Variants in PARP1 observed in about 807,000 individuals in gnomAD.
PARP1 encodes the protein poly(ADP-ribose) polymerase 1, also known as poly [ADP-ribose] polymerase 1.
PARP1 carries 44 observed loss-of-function variants against 118.7 expected under a neutral mutation model. The observed-to-expected ratio is 0.37, with a 90% CI of 0.29 to 0.48. PARP1 has a LOEUF of 0.48. Ranked by LOEUF, PARP1 falls within the 20% of genes least tolerant of loss-of-function variation. PARP1 has a pLI of 0.99. For missense variants in PARP1, 1,100 were observed against 1,272.4 expected (o/e 0.86, Z 2.06); for synonymous variants, 492 against 483.2 (o/e 1.02, Z -0.24).
intron 4 of PARP1, among the ~76,000 whole-genome samples, chr1:226,389,883 T>A (rs1664789686): frequency 1.3e-5 from 2 of 152,024 alleles, no homozygotes; most frequent in Admixed American, 6.6e-5. Flanking sequence ...GACCAAGAGG[T>A]GTCCATGGAT....
At position 226,365,130 on chromosome 1, in the gene PARP1, C is replaced by T. The variant is rs1407829951; in HGVS notation, c.2530G>A (p.Glu844Lys). The change falls in exon 19 of 23, where the codon GAA becomes AAA. Residue 844 changes from glutamate (E) to lysine (K), a missense_variant. Physicochemically the swap from Glu to Lys is moderately conservative, Grantham distance 56. Around this residue, in one of 2 missense-constraint regions of PARP1, gnomAD observed 152 missense variants for 240.6 expected, o/e 0.63. Coordinates refer to ENST00000366794, the MANE Select transcript of PARP1 (RefSeq NM_001618.4). ...IDIFKIEREGECQRYKPFKQL... is the reference protein window; with the variant it reads ...IDIFKIEREGKCQRYKPFKQL... ...TTAAAGGGCTTGTAACGCTGGCATT[C>T]GCCTTCACGCTCTATCTTAAAGATC... 2 of 1,614,218 alleles carry T rather than the reference C, an allele frequency of 1.2e-6. No homozygotes were observed. The highest frequency in any genetic ancestry group is 1.7e-6 in the Non-Finnish European group (2 of 1,180,046).
In PARP1 at chr1:226,389,009, G is replaced by A. The variant is rs3219046; in HGVS notation, c.618-254C>T. 5.1e-3 allele frequency among the ~76,000 whole-genome samples: 768 copies of A among 152,020 alleles called. 3 individuals are homozygous for A. Among genetic ancestry groups the A allele is most frequent in the Non-Finnish European group, 7.9e-3 (540 of 67,954 alleles). Reference sequence around the variant, plus strand: ...CTCTCCCAGCCAGGGAGAGGGGCTAGGGTTGTTCCAGGGACTCAGAACAAC... The same window carrying A: ...CTCTCCCAGCCAGGGAGAGGGGCTAAGGTTGTTCCAGGGACTCAGAACAAC... On this transcript the variant is annotated intron_variant, in intron 4 of 22. Transcript: ENST00000366794.
rs751284775 is a variant in PARP1, at chr1:226,388,703, A to G, written c.670T>C (p.Ser224Pro). Residue 224 changes from serine (S) to proline (P), a missense_variant, in exon 5 of 23, where the codon TCT becomes CCT. Physicochemically the swap from Ser to Pro is moderately conservative, Grantham distance 74 (BLOSUM62 -1). Around this residue, in one of 2 missense-constraint regions of PARP1, gnomAD observed 948 missense variants for 1,031.8 expected, o/e 0.92. Coordinates refer to ENST00000366794, the MANE Select transcript of PARP1 (RefSeq NM_001618.4). ...DGVDEVAKKKSKKEKDKDSKL... is the reference protein window; with the variant it reads ...DGVDEVAKKKPKKEKDKDSKL... ...CTATCCTTGTCTTTTTCTTTTTTAG[A>G]TTTCTTCTTCGCCACTTCATCCACT... is the stretch of plus-strand genomic sequence containing the variant. 1.9e-6 allele frequency: 3 copies of G among 1,613,728 alleles called. No individual in the cohort carries two copies. In the African/African-American group the frequency reaches 4.0e-5, roughly 22 times the overall value.
rs1294223074 is a variant in PARP1, at chr1:226,381,081, G to A, written c.1287C>T (p.Cys429=). The stretch of plus-strand genomic sequence containing the variant: ...GATTCAACTCACTTTTGGTGCTGAT[G>A]CACAGGGAAGCCTTGTTGGCCGTCC... ...LTGTANKASL[C]ISTKKEVEKM... is the part of the protein sequence containing the mutation. Residue 429 remains cysteine (C), a synonymous_variant, in exon 9 of 23, where the codon TGC becomes TGT. Coordinates refer to ENST00000366794, the MANE Select transcript of PARP1 (RefSeq NM_001618.4). 1 of 1,614,186 alleles carries A rather than the reference G, an allele frequency of 6.2e-7. No homozygotes were observed. The highest frequency in any genetic ancestry group is 1.1e-5 in the South Asian group (1 of 91,080).
chr1:226,379,214 C>A lies in PARP1; in HGVS notation c.1673G>T (p.Gly558Val), dbSNP rs1057150511. 1 of 1,614,026 alleles carries A rather than the reference C, an allele frequency of 6.2e-7. No homozygotes were observed. The highest frequency in any genetic ancestry group is 1.3e-5 in the African/African-American group (1 of 74,924). The stretch of plus-strand genomic sequence containing the variant: ...GGTTCCTTTAACGATGTCCACCAGG[C>A]CAAGGGTGGCACTGAAGACCTTCCC... ...KGGKVFSATL[G>V]LVDIVKGTNS... Residue 558 changes from glycine (G) to valine (V), a missense_variant, in exon 12 of 23, where the codon GGC (glycine) becomes GTC (valine). By Grantham distance (109) the Gly-to-Val change is moderately radical. Around this residue, in one of 2 missense-constraint regions of PARP1, gnomAD observed 948 missense variants for 1,031.8 expected, o/e 0.92. Coordinates refer to ENST00000366794, the MANE Select transcript of PARP1 (RefSeq NM_001618.4).
intron 14 of PARP1, 77 bp downstream of exon 14, chr1:226,374,149 G>GCAGA: frequency 7.2e-6 from 11 of 1,521,880 alleles, no homozygotes; most frequent in Non-Finnish European, 1.0e-5. Context: ...ACAAGAACAG[G>GCAGA]CAGACAGCTC....
chr1:226,372,237 G>A (rs1275898689), intron 14 of PARP1, among the ~76,000 whole-genome samples: 1 of 152,196 alleles, frequency 6.6e-6, no homozygotes, highest in African/African-American at 2.4e-5. Context: ...CCAATCCCAC[G>A]TGGACCCCGC....
intron 19 of PARP1, chr1:226,364,294 C>T: frequency 2.0e-6 from 1 of 511,658 alleles, no homozygotes; most frequent in Non-Finnish European, 3.6e-6. Context: ...AGCTACGTAA[C>T]CTCTCTGGAC....
At chr1:226,402,629 C>T (rs1665060539) in intron 1 of PARP1, among the ~76,000 whole-genome samples, 1 of 152,240 alleles carries the variant, frequency 6.6e-6, no homozygotes, top group African/African-American at 2.4e-5. Flanking sequence ...TCTCTTAGGA[C>T]ACCAAACACA....
At chr1:226,378,889 A>G (rs1664544595) in intron 12 of PARP1, among the ~76,000 whole-genome samples, 1 of 152,246 alleles carries the variant, frequency 6.6e-6, no homozygotes, top group South Asian at 2.1e-4. Flanking sequence ...CCAAACAAAA[A>G]GAAAAGCCAG....
chr1:226,362,543 G>A (rs753882406), intron 21 of PARP1, among the ~76,000 whole-genome samples: 109 of 152,280 alleles, frequency 7.2e-4, no homozygotes, highest in Non-Finnish European at 1.2e-3. Context: ...AGTTTAATGA[G>A]AACAGTGGCA....
chr1:226,379,507 T>A lies in PARP1; in HGVS notation c.1612+66A>T, dbSNP rs1266670720. On this transcript the variant is annotated intron_variant, in intron 11 of 22. Coordinates refer to ENST00000366794, the MANE Select transcript of PARP1 (RefSeq NM_001618.4). ...GGTATGCTGCGGGCATTTGGATGTG[T>A]GCTCCTAGTCAGCTGGGGGTTGGGG... is the stretch of plus-strand genomic sequence containing the variant. 3.0e-6 allele frequency: 4 copies of A among 1,342,732 alleles called. No individual in the cohort carries two copies. The East Asian group carries it at 9.2e-5, about 31-fold the overall frequency. The allele number at this position is 1,342,732 out of a possible 1,614,324, so 83.2% of individuals were successfully genotyped here. A position where few individuals can be genotyped will look rare whatever the true frequency, so the allele number is the denominator to read the frequency against.
At chr1:226,401,956 A>G in intron 2 of PARP1, 1 of 1,439,840 alleles carries the variant, frequency 6.9e-7, no homozygotes, top group Non-Finnish European at 9.1e-7. Context: ...TGCCATGAAC[A>G]AAAATAAAGT....
In PARP1 at chr1:226,385,600, C is replaced by T. The variant is rs753000136; in HGVS notation, c.915G>A (p.Lys305=). Residue 305 remains lysine, a synonymous_variant, in exon 7 of 23, where the codon AAG becomes AAA. Coordinates refer to ENST00000366794, the MANE Select transcript of PARP1 (RefSeq NM_001618.4). ...CCCCAGTGCAGTAATAGGCATCGCT[C>T]TTGAAGACCAGCTGACCCGAGCATT... ...CEECSGQLVF[K]SDAYYCTGDV... 1.7e-5 allele frequency: 27 copies of T among 1,614,048 alleles called. No individual in the cohort carries two copies. The highest frequency in any genetic ancestry group is 1.2e-4 in the African/African-American group (9 of 74,932).
chr1:226,368,094 C>T, intron 16 of PARP1, 105 bp downstream of exon 16: 2 of 1,501,260 alleles, frequency 1.3e-6, no homozygotes, highest in Admixed American at 1.7e-5. Context: ...GGTGGCCCTC[C>T]CAGCATTGGT....
intron 2 of PARP1, among the ~76,000 whole-genome samples, chr1:226,398,452 A>T (rs1211453585): frequency 6.6e-6 from 1 of 151,324 alleles, no homozygotes; most frequent in Non-Finnish European, 1.5e-5. Flanking sequence ...CTGAGGTGGG[A>T]GACAGAGGTC....
Position 226,408,052 on chromosome 1 carries a change from G to T in PARP1, c.-123C>A, listed in dbSNP as rs973788144. 5 of 1,405,652 alleles carry T rather than the reference G, an allele frequency of 3.6e-6. No homozygotes were observed. In the South Asian group the frequency reaches 3.6e-5, roughly 10 times the overall value. The allele number at this position is 1,405,652 out of a possible 1,614,324, so 87.1% of individuals were successfully genotyped here. A position where few individuals can be genotyped will look rare whatever the true frequency, so the allele number is the denominator to read the frequency against. ...CGCCTGAGCGGCCAGAGCCGCCACC[G>T]AACACGCCGCACCGGCCACCGCCGT... is the stretch of plus-strand genomic sequence containing the variant. On this transcript the variant is annotated 5_prime_UTR_variant, in exon 1 of 23. Coordinates refer to ENST00000366794, the MANE Select transcript of PARP1 (RefSeq NM_001618.4).
At chr1:226,379,474 C>G in intron 11 of PARP1, 99 bp downstream of exon 11, 3 of 1,151,604 alleles carry the variant, frequency 2.6e-6, no homozygotes, top group Non-Finnish European at 2.6e-6. Context: ...CACGACCACA[C>G]TGCCCCAGGT....
At chr1:226,397,353 T>G (rs948175811) in intron 2 of PARP1, among the ~76,000 whole-genome samples, 2 of 152,088 alleles carry the variant, frequency 1.3e-5, no homozygotes, top group Non-Finnish European at 2.9e-5. Flanking sequence ...CTCTGAACCC[T>G]TTCTTGGCAA....
Sources: allele counts gnomAD v4.1 joint callset (sites outside exome capture counted in the v4.1 genomes callset), GRCh38; gene constraint gnomAD v4.1.1; regional missense constraint gnomAD v4.1.1; transcripts MANE v1.5; gene names NCBI Gene and HGNC (gene_info 2026-07-23, HGNC 2026-07-21).